Variants in UBR2 observed in about 807,000 individuals in gnomAD.
The protein encoded by UBR2 is ubiquitin protein ligase E3 component n-recognin 2.
UBR2 carries 92 observed loss-of-function variants against 247.9 expected under a neutral mutation model. The ratio of observed to expected loss-of-function variants is 0.37; its 90% CI spans 0.31 to 0.44. The LOEUF is 0.44. Ranked by LOEUF, UBR2 falls within the 20% of genes least tolerant of loss-of-function variation. The probability of loss-of-function intolerance (pLI) is 1.00; values close to 1 mark genes in which losing one functional copy is unlikely to be tolerated. For missense variants in UBR2, 1,613 were observed against 2,112.6 expected, an observed-to-expected ratio of 0.76 and a Z score of 4.64; for synonymous variants, 672 against 693.5, an observed-to-expected ratio of 0.97 and a Z score of 0.49.
chr6:42,584,243 A>C (rs1792106031), intron 2 of UBR2, among the ~76,000 whole-genome samples: 1 of 152,046 alleles, frequency 6.6e-6, no homozygotes, highest in Non-Finnish European at 1.5e-5. Flanking sequence ...TGATCTGCCC[A>C]CCTTGGCCTC....
Position 42,606,582 on chromosome 6 carries a change from T to C in UBR2, c.802-7T>C, listed in dbSNP as rs760808627. The C allele has an allele frequency of 7.2e-5, 116 of 1,609,038 alleles. No homozygotes were observed. The highest frequency in any genetic ancestry group is 6.7e-5 in the Non-Finnish European group (79 of 1,177,768). On this transcript the variant is annotated splice_region_variant and splice_polypyrimidine_tract_variant and intron_variant, in intron 6 of 46. Coordinates refer to ENST00000372901, the MANE Select transcript of UBR2 (RefSeq NM_001363705.2). ...CTTTTACAGCTTAATTTTAAATATC[T>C]TTACAGGGGCGTAGGTCTGTTCGAT...
intron 29 of UBR2, 55 bp downstream of exon 29, chr6:42,658,879 G>C: frequency 6.8e-7 from 1 of 1,474,332 alleles, no homozygotes; most frequent in South Asian, 1.4e-5. Flanking sequence ...CCAACTAGGG[G>C]CAGTGTTGCG....
intron 13 of UBR2, chr6:42,634,317 G>GT: frequency 2.5e-6 from 1 of 397,142 alleles, no homozygotes; most frequent in Non-Finnish European, 4.9e-6. Context: ...AGTTATAACT[G>GT]TAAGAAGATA....
At chr6:42,628,809 C>A (rs545604903) in intron 11 of UBR2, among the ~76,000 whole-genome samples, 3 of 151,320 alleles carry the variant, frequency 2.0e-5, no homozygotes, top group African/African-American at 7.3e-5. Context: ...TGTGTTCAGT[C>A]AGCATTATCC....
At chr6:42,634,805 T>A (rs573989037) in intron 13 of UBR2, among the ~76,000 whole-genome samples, 1 of 152,216 alleles carries the variant, frequency 6.6e-6, no homozygotes, top group Non-Finnish European at 1.5e-5. Context: ...GGGTGTTTAT[T>A]ATAATACTAC....
intron 2 of UBR2, among the ~76,000 whole-genome samples, chr6:42,579,715 C>T (rs956423392): frequency 1.3e-5 from 2 of 152,104 alleles, no homozygotes; most frequent in African/African-American, 4.8e-5. Flanking sequence ...CCCTATATTG[C>T]CCAGGCTGGT....
intron 18 of UBR2, among the ~76,000 whole-genome samples, chr6:42,642,945 T>A (rs1437149376): frequency 6.6e-6 from 1 of 152,214 alleles, no homozygotes; most frequent in Non-Finnish European, 1.5e-5. Flanking sequence ...AAACTCTGCG[T>A]ATTTATTTCT....
At position 42,691,092 on chromosome 6, in the gene UBR2, C is replaced by T; in HGVS notation, c.5187C>T (p.His1729=). The T allele has an allele frequency of 1.9e-6, 3 of 1,614,156 alleles. No homozygotes were observed. Among genetic ancestry groups the T allele is most frequent in the Non-Finnish European group, 2.5e-6 (3 of 1,180,032 alleles). The change falls in exon 47 of 47, where the codon CAC becomes CAT. Residue 1729 remains histidine, a synonymous_variant. Transcript: ENST00000372901. Reference sequence around the variant, plus strand: ...TCAAGAAGATTCAGAAGCTCTGGCACCAACACAGTGTCACAGAGGAAATTG... The same window carrying T: ...TCAAGAAGATTCAGAAGCTCTGGCATCAACACAGTGTCACAGAGGAAATTG... ...ERFKKIQKLW[H]QHSVTEEIGH...
At chr6:42,599,107 T>C (rs1665853519) in intron 4 of UBR2, among the ~76,000 whole-genome samples, 1 of 152,164 alleles carries the variant, frequency 6.6e-6, no homozygotes, top group African/African-American at 2.4e-5. Context: ...GGAATTAGAT[T>C]TAATTAAATA....
At chr6:42,639,899 G>C (rs912183742) in intron 15 of UBR2, among the ~76,000 whole-genome samples, 1 of 151,948 alleles carries the variant, frequency 6.6e-6, no homozygotes, top group African/African-American at 2.4e-5. Flanking sequence ...GTGGTGGCGG[G>C]TGCCTGTGGT....
intron 44 of UBR2, among the ~76,000 whole-genome samples, chr6:42,686,102 G>A (rs1325355344): frequency 2.0e-5 from 3 of 150,580 alleles, no homozygotes; most frequent in African/African-American, 4.9e-5. Context: ...AGTATTTATT[G>A]ATCATTCTTG....
intron 44 of UBR2, 89 bp downstream of exon 44, chr6:42,684,960 T>C: frequency 8.9e-7 from 1 of 1,121,338 alleles, no homozygotes. Flanking sequence ...TGTTCTTTGT[T>C]TGGGTAGAGA....
rs1240584265 is a variant in UBR2 at position 42,601,666 on chromosome 6, C to T, written c.532-1922C>T. 1.1e-4 allele frequency among the ~76,000 whole-genome samples: 15 copies of T among 130,856 alleles called. No homozygotes were observed. In the South Asian group the frequency reaches 3.1e-3, roughly 27 times the overall value. The allele number at this position is 130,856 out of a possible 152,430, so 85.8% of individuals were successfully genotyped here. ...TTGTGCCATTGCACTCCAGCCTGGG[C>T]GACAAGAGCGAAACTCTAGCTCAAA... On this transcript the variant is annotated intron_variant, in intron 4 of 46. Transcript: ENST00000372901.
intron 10 of UBR2, chr6:42,617,195 T>C: frequency 6.4e-7 from 1 of 1,556,910 alleles, no homozygotes; most frequent in Non-Finnish European, 8.9e-7. Flanking sequence ...TCCTTAAACA[T>C]TTGGTCATTG....
At chr6:42,640,915 G>A (rs373108676) in intron 16 of UBR2, among the ~76,000 whole-genome samples, 3 of 151,612 alleles carry the variant, frequency 2.0e-5, no homozygotes, top group African/African-American at 7.3e-5. Context: ...TTTTAGTAGA[G>A]ACAGGGTTTC....
chr6:42,609,976 A>G (rs560083708), intron 7 of UBR2, among the ~76,000 whole-genome samples: 1 of 152,078 alleles, frequency 6.6e-6, no homozygotes, highest in African/African-American at 2.4e-5. Context: ...CAGTTAAGAT[A>G]CCACCTCACA....
chr6:42,631,860 T>TTTTATA (rs1795734186), intron 11 of UBR2, among the ~76,000 whole-genome samples: 2 of 61,506 alleles, frequency 3.3e-5, no homozygotes, highest in South Asian at 5.1e-4. Context: ...TACTCTGATT[T>TTTTATA]TATATATATA....
Position 42,648,566 on chromosome 6 carries a change from C to A in UBR2, c.2462+396C>A, listed in dbSNP as rs911943823. Among the ~76,000 whole-genome samples the A allele has an allele frequency of 2.0e-5, 3 of 152,158 alleles. No individual in the cohort carries two copies. The South Asian group carries it at 6.2e-4, about 32-fold the overall frequency. On this transcript the variant is annotated intron_variant, in intron 22 of 46. Coordinates refer to ENST00000372901, the MANE Select transcript of UBR2 (RefSeq NM_001363705.2). Reference sequence around the variant, plus strand: ...ACCTTCTCCAGTGTCCACAGTCTTCCCCCAGTCAATAAACTGGTTTATACC... The same window carrying A: ...ACCTTCTCCAGTGTCCACAGTCTTCACCCAGTCAATAAACTGGTTTATACC...
At chr6:42,646,360 A>G (rs1364944883) in intron 21 of UBR2, among the ~76,000 whole-genome samples, 1 of 152,196 alleles carries the variant, frequency 6.6e-6, no homozygotes, top group Non-Finnish European at 1.5e-5. Flanking sequence ...AAATATTTCA[A>G]ACATCTATAG....
Sources: allele counts gnomAD v4.1 joint callset (sites outside exome capture counted in the v4.1 genomes callset), GRCh38; gene constraint gnomAD v4.1.1; transcripts MANE v1.5; gene names NCBI Gene and HGNC (gene_info 2026-07-23, HGNC 2026-07-21).